The following SLC15A1 variants were observed in gnomAD, a reference collection of about 807,000 sequenced individuals.
The protein encoded by SLC15A1 is Caco-2 oligopeptide transporter.
In SLC15A1, 83 loss-of-function variants were observed where a neutral mutation model predicts 92.9. The ratio of observed to expected loss-of-function variants is 0.89; its 90% CI spans 0.75 to 1.07. SLC15A1 has a LOEUF of 1.07. Among genes scored for constraint, SLC15A1 ranks in the 50% least tolerant of loss-of-function variants. The probability of loss-of-function intolerance (pLI) is 0.00; values close to 1 mark genes in which losing one functional copy is unlikely to be tolerated. For missense variants in SLC15A1, 857 were observed against 880.1 expected, an observed-to-expected ratio of 0.97 and a Z score of 0.33; for synonymous variants, 322 against 318.2, an observed-to-expected ratio of 1.01 and a Z score of -0.13.
rs770220995 is a variant in SLC15A1 at position 98,712,586 on chromosome 13, TGAAG to T, written c.724-6_724-3del. The T allele has an allele frequency of 2.5e-6, 4 of 1,603,866 alleles. No homozygotes were observed. The highest frequency in any genetic ancestry group is 2.3e-5 in the South Asian group (2 of 88,254). ...CCTAAATCTATTTTTGATGGCAAAC[TGAAG>T]GAAGGAAGAAAAATCGAATTTCAAA... is the stretch of plus-strand genomic sequence containing the variant. On this transcript the variant is annotated splice_region_variant and splice_polypyrimidine_tract_variant and intron_variant, in intron 9 of 22. Coordinates refer to ENST00000376503, the MANE Select transcript of SLC15A1 (RefSeq NM_005073.4).
At chr13:98,736,305 T>G (rs931517325) in intron 1 of SLC15A1, among the ~76,000 whole-genome samples, 1 of 152,220 alleles carries the variant, frequency 6.6e-6, no homozygotes, top group Non-Finnish European at 1.5e-5. Context: ...AAGCTGAAAC[T>G]GGATCCCTTC....
At chr13:98,687,998 A>G (rs182188125) in intron 20 of SLC15A1, among the ~76,000 whole-genome samples, 8 of 152,358 alleles carry the variant, frequency 5.3e-5, no homozygotes, top group African/African-American at 1.7e-4. Context: ...GTCCATGTTA[A>G]TAGTCTAGAA....
Position 98,688,759 on chromosome 13 carries a change from T to A in SLC15A1, c.1467-182A>T, listed in dbSNP as rs78661390. Among the ~76,000 whole-genome samples the A allele has an allele frequency of 8.8e-3, 1,337 of 152,296 alleles. 47 individuals are homozygous for A. The East Asian group carries it at 0.094, about 11-fold the overall frequency. On this transcript the variant is annotated intron_variant, in intron 18 of 22. Transcript: ENST00000376503. ...TCTGGGTTTATCCCTGCTCACCCAC[T>A]CATGAGAACACACCTAAAAGAATGT... is the stretch of plus-strand genomic sequence containing the variant.
Position 98,709,623 on chromosome 13 carries a change from A to T in SLC15A1, c.1016T>A (p.Ile339Asn). 1 of 1,614,184 alleles carries T rather than the reference A, an allele frequency of 6.2e-7. No individual in the cohort carries two copies. The highest frequency in any genetic ancestry group is 8.5e-7 in the Non-Finnish European group (1 of 1,180,040). Residue 339 changes from isoleucine to asparagine, a missense_variant, in exon 14 of 23, where the codon ATC becomes AAC. Transcript: ENST00000376503. ...GAGAGGGTACAGCACAGCATCGAAG[A>T]TCGGGACCATGATCACGATCAGGAT... ...NAILIVIMVP[I>N]FDAVLYPLIA...
At chr13:98,705,409 G>A (rs1324653176) in intron 16 of SLC15A1, among the ~76,000 whole-genome samples, 1 of 152,034 alleles carries the variant, frequency 6.6e-6, no homozygotes, top group African/African-American at 2.4e-5. Flanking sequence ...AGCATCCCTG[G>A]CTTCTACATG....
intron 1 of SLC15A1, among the ~76,000 whole-genome samples, chr13:98,739,349 G>A (rs1241361482): frequency 6.6e-6 from 1 of 152,150 alleles, no homozygotes; most frequent in Non-Finnish European, 1.5e-5. Flanking sequence ...CAAGAAATTT[G>A]GGGAGGCCAG....
At chr13:98,744,288 G>C (rs1027981412) in intron 1 of SLC15A1, among the ~76,000 whole-genome samples, 1 of 146,410 alleles carries the variant, frequency 6.8e-6, no homozygotes, top group Non-Finnish European at 1.5e-5. Context: ...GTCTTTTGGA[G>C]GGTTGTTTTT....
At chr13:98,733,926 C>T (rs2088369527) in intron 1 of SLC15A1, among the ~76,000 whole-genome samples, 2 of 152,160 alleles carry the variant, frequency 1.3e-5, no homozygotes, top group African/African-American at 2.4e-5. Context: ...TGGTACTGTC[C>T]TCACCACAGT....
intron 1 of SLC15A1, among the ~76,000 whole-genome samples, chr13:98,736,170 C>G (rs2088392336): frequency 6.6e-6 from 1 of 152,086 alleles, no homozygotes; most frequent in South Asian, 2.1e-4. Context: ...CAGAACAGAG[C>G]CCTCAGTAAT....
chr13:98,689,100 C>A (rs1347385758), intron 18 of SLC15A1, among the ~76,000 whole-genome samples: 1 of 152,152 alleles, frequency 6.6e-6, no homozygotes, highest in South Asian at 2.1e-4. Flanking sequence ...CCACCACACC[C>A]GGCTCATTTT....
intron 1 of SLC15A1, among the ~76,000 whole-genome samples, chr13:98,745,445 C>T (rs1043154985): frequency 1.3e-5 from 2 of 152,172 alleles, no homozygotes; most frequent in Non-Finnish European, 2.9e-5. Context: ...AGAACTTGAC[C>T]TTATTTGGAA....
chr13:98,717,428 C>T lies in SLC15A1; in HGVS notation c.641-1468G>A, dbSNP rs143433401. Among the ~76,000 whole-genome samples the T allele has an allele frequency of 1.9e-4, 29 of 152,266 alleles. 1 individual carries two copies. The highest frequency in any genetic ancestry group is 3.2e-4 in the Non-Finnish European group (22 of 68,016). ...ATTTCTAGAGGCAGTGTTGACACATCGGATTTGGCCTGTTCTCAATTCCTC... is the reference window on the plus strand; with the variant it reads ...ATTTCTAGAGGCAGTGTTGACACATTGGATTTGGCCTGTTCTCAATTCCTC... On this transcript the variant is annotated intron_variant, in intron 8 of 22. Transcript: ENST00000376503.
At chr13:98,694,728 T>C (rs2088007606) in intron 18 of SLC15A1, among the ~76,000 whole-genome samples, 1 of 152,106 alleles carries the variant, frequency 6.6e-6, no homozygotes, top group Non-Finnish European at 1.5e-5. Flanking sequence ...GTTAAGTGAA[T>C]GGATAAAAGA....
chr13:98,721,644 G>A, intron 6 of SLC15A1, 59 bp from the exon 7 acceptor site: 1 of 1,306,512 alleles, frequency 7.7e-7, no homozygotes, highest in Non-Finnish European at 1.1e-6. Context: ...AGCACAGGGA[G>A]CTGATGATCT....
Position 98,729,210 on chromosome 13 carries a change from C to T in SLC15A1, c.5-2351G>A, listed in dbSNP as rs560447938. On this transcript the variant is annotated intron_variant, in intron 1 of 22. Coordinates refer to ENST00000376503, the MANE Select transcript of SLC15A1 (RefSeq NM_005073.4). ...TTGTATTAATATTAATATTGTGTAC[C>T]TCTATTAAAAATCATATGTACCCCA... Among the ~76,000 whole-genome samples, 9 of 151,308 alleles carry T rather than the reference C, an allele frequency of 5.9e-5. No individual in the cohort carries two copies. In the South Asian group the frequency reaches 1.5e-3, roughly 25 times the overall value.
At chr13:98,750,068 C>G (rs1249498148) in intron 1 of SLC15A1, among the ~76,000 whole-genome samples, 1 of 151,988 alleles carries the variant, frequency 6.6e-6, no homozygotes, top group Non-Finnish European at 1.5e-5. Context: ...ATGAGCCCAA[C>G]AAGACACTCA....
intron 1 of SLC15A1, among the ~76,000 whole-genome samples, chr13:98,730,812 G>A (rs2088344947): frequency 6.6e-6 from 1 of 152,224 alleles, no homozygotes; most frequent in Admixed American, 6.5e-5. Context: ...TGCATGGTGG[G>A]TCCCGTGGGC....
chr13:98,697,930 T>C (rs1412585319), intron 18 of SLC15A1, among the ~76,000 whole-genome samples: 1 of 152,184 alleles, frequency 6.6e-6, no homozygotes, highest in Non-Finnish European at 1.5e-5. Flanking sequence ...AAGAATGTGC[T>C]GAAGAGTTGG....
Position 98,686,206 on chromosome 13 carries a change from C to T in SLC15A1, c.1919G>A (p.Gly640Asp), listed in dbSNP as rs531147633. The T allele has an allele frequency of 3.1e-6, 5 of 1,613,438 alleles. No homozygotes were observed. The East Asian group carries it at 1.1e-4, about 36-fold the overall frequency. ...NIIVLIVAGA[G>D]QFSKQWAEYI... ...ACGCCATACCTGTTTGCTGAACTGG[C>T]CTGCCCCTGCCACGATGAGCACAAT... is the stretch of plus-strand genomic sequence containing the variant. The change falls in exon 22 of 23, where the codon GGC becomes GAC. Residue 640 changes from glycine to aspartate, a missense_variant. Gly to Asp is a moderately conservative substitution (Grantham distance 94). Coordinates refer to ENST00000376503, the MANE Select transcript of SLC15A1 (RefSeq NM_005073.4).
Sources: allele counts gnomAD v4.1 joint callset (sites outside exome capture counted in the v4.1 genomes callset), GRCh38; gene constraint gnomAD v4.1.1; transcripts MANE v1.5; gene names NCBI Gene and HGNC (gene_info 2026-07-23, HGNC 2026-07-21).